The following KCNN2 variants were observed in gnomAD, a reference collection of about 807,000 sequenced individuals.
The protein encoded by KCNN2 is small conductance calcium-activated potassium channel protein 2.
A neutral mutation model predicts 55.5 loss-of-function variants in KCNN2; 24 were observed. That is an observed-to-expected ratio of 0.43 (90% CI 0.31 to 0.61). The LOEUF is 0.61. Ranked by LOEUF, KCNN2 falls within the 20% of genes least tolerant of loss-of-function variation. The probability of loss-of-function intolerance (pLI) is 0.08; values close to 1 mark genes in which losing one functional copy is unlikely to be tolerated. For synonymous variants in KCNN2, 431 were observed against 336.1 expected (o/e 1.28, Z -3.09); for missense variants, 754 against 853.6 (o/e 0.88, Z 1.45).
At chr5:114,251,283 C>T (rs1754854916) in intron 2 of KCNN2, among the ~76,000 whole-genome samples, 2 of 152,226 alleles carry the variant, frequency 1.3e-5, no homozygotes, top group Non-Finnish European at 2.9e-5. Context: ...TAATCCTGAT[C>T]TGGACTAATG....
chr5:114,175,328 G>T (rs928203016), intron 1 of KCNN2, among the ~76,000 whole-genome samples: 10 of 152,108 alleles, frequency 6.6e-5, no homozygotes, highest in South Asian at 4.1e-4. Flanking sequence ...TAAAGACTTT[G>T]AATTTCTGCA....
chr5:114,447,231 A>T (rs1760452121), intron 3 of KCNN2, among the ~76,000 whole-genome samples: 1 of 152,190 alleles, frequency 6.6e-6, no homozygotes, highest in South Asian at 2.1e-4. Context: ...GCACATAGTA[A>T]TTCTTAGCCT....
At chr5:114,487,306 C>T in intron 6 of KCNN2, 129 bp downstream of exon 6, 1 of 790,604 alleles carries the variant, frequency 1.3e-6, no homozygotes, top group Non-Finnish European at 2.0e-6. Context: ...AAGATGTTAT[C>T]TGGCAATCTA....
At chr5:114,492,843 A>G (rs912876460) in intron 6 of KCNN2, among the ~76,000 whole-genome samples, 5 of 152,242 alleles carry the variant, frequency 3.3e-5, no homozygotes, top group Non-Finnish European at 5.9e-5. Flanking sequence ...GAATAAGATA[A>G]TAATTATGTG....
At chr5:114,391,814 C>T (rs1758458653) in intron 2 of KCNN2, among the ~76,000 whole-genome samples, 1 of 152,098 alleles carries the variant, frequency 6.6e-6, no homozygotes, top group Admixed American at 6.6e-5. Flanking sequence ...GTGACTTTAA[C>T]AAATGGGGTA....
intron 2 of KCNN2, among the ~76,000 whole-genome samples, chr5:114,379,451 G>T (rs35163292): frequency 0.024 from 2,797 of 114,432 alleles, 72 homozygotes; most frequent in Middle Eastern, 0.081. Context: ...TATATTTATA[G>T]AATATATTAT....
intron 1 of KCNN2, among the ~76,000 whole-genome samples, chr5:114,177,907 T>G (rs906297597): frequency 6.6e-5 from 10 of 152,138 alleles, no homozygotes; most frequent in African/African-American, 2.4e-4. Context: ...AAAAATAGAT[T>G]TGAGGTCTTT....
chr5:114,356,425 T>G (rs1016167366), intron 2 of KCNN2, among the ~76,000 whole-genome samples: 4 of 152,182 alleles, frequency 2.6e-5, no homozygotes, highest in African/African-American at 9.7e-5. Flanking sequence ...ATCCAGATTA[T>G]TTTAATAAGA....
intron 2 of KCNN2, among the ~76,000 whole-genome samples, chr5:114,239,597 AT>A (rs1156508213): frequency 6.6e-6 from 1 of 152,184 alleles, no homozygotes; most frequent in Non-Finnish European, 1.5e-5. Context: ...GAAGAGACAA[AT>A]TAAGGTCGTT....
chr5:114,491,423 C>T (rs575952715), intron 6 of KCNN2, among the ~76,000 whole-genome samples: 1 of 150,284 alleles, frequency 6.7e-6, no homozygotes, highest in African/African-American at 2.4e-5. Context: ...TAAAGGTAAT[C>T]GTCAATTGAT....
chr5:114,464,330 A>T (rs1761342951), intron 4 of KCNN2, among the ~76,000 whole-genome samples: 1 of 152,238 alleles, frequency 6.6e-6, no homozygotes, highest in Admixed American at 6.5e-5. Context: ...CTTACAGCAA[A>T]GAGTGTCATC....
At chr5:114,433,206 T>G (rs1167189861) in intron 3 of KCNN2, among the ~76,000 whole-genome samples, 2 of 152,104 alleles carry the variant, frequency 1.3e-5, no homozygotes, top group Non-Finnish European at 2.9e-5. Context: ...ATACACCAAT[T>G]GGCATTCTGT....
At chr5:114,126,728 G>A (rs952604562) in intron 1 of KCNN2, among the ~76,000 whole-genome samples, 2 of 152,138 alleles carry the variant, frequency 1.3e-5, no homozygotes, top group African/African-American at 4.8e-5. Flanking sequence ...AACTCATTAA[G>A]GAATTAACTC....
intron 1 of KCNN2, among the ~76,000 whole-genome samples, chr5:114,156,021 A>C (rs1434326596): frequency 3.3e-5 from 5 of 152,168 alleles, no homozygotes; most frequent in Admixed American, 2.0e-4. Context: ...TGGGTTTTAC[A>C]TTTAAGTCTT....
intron 2 of KCNN2, among the ~76,000 whole-genome samples, chr5:114,351,294 C>T (rs1374525643): frequency 1.3e-5 from 2 of 151,554 alleles, no homozygotes; most frequent in Non-Finnish European, 3.0e-5. Flanking sequence ...TTGATGTTGA[C>T]CTTGTATGTA....
At chr5:114,363,340 C>T in intron 1 of KCNN2, 79 bp downstream of exon 1, 2 of 1,434,290 alleles carry the variant, frequency 1.4e-6, no homozygotes, top group Non-Finnish European at 1.8e-6. Flanking sequence ...GGACCCTTTG[C>T]GTGCGGATCC....
intron 1 of KCNN2, among the ~76,000 whole-genome samples, chr5:114,134,773 C>G (rs1245173243): frequency 1.3e-5 from 2 of 152,156 alleles, no homozygotes; most frequent in African/African-American, 4.8e-5. Flanking sequence ...CCGCACCCAG[C>G]CCAGCCGTGA....
chr5:114,312,428 CACACACATATAT>C (rs1312339594), intron 2 of KCNN2, among the ~76,000 whole-genome samples: 13 of 22,198 alleles, frequency 5.9e-4, no homozygotes, highest in African/African-American at 1.2e-3. Flanking sequence ...CACACACACA[CACACACATATAT>C]ATATATATAT....
At chr5:114,258,055 G>T (rs1462528258) in intron 2 of KCNN2, among the ~76,000 whole-genome samples, 1 of 152,142 alleles carries the variant, frequency 6.6e-6, no homozygotes, top group African/African-American at 2.4e-5. Flanking sequence ...ATCATGAAAA[G>T]AAGCTAAATT....
Sources: gnomAD v4.1 joint callset for allele counts (sites outside exome capture counted in the v4.1 genomes callset) on GRCh38, gnomAD v4.1.1 for gene constraint, MANE v1.5 for transcripts, NCBI Gene and HGNC (gene_info 2026-07-23, HGNC 2026-07-21) for gene names.